The following ANXA13 variants were observed in gnomAD, a reference collection of about 807,000 sequenced individuals.
The protein encoded by ANXA13 is annexin XIII.
In ANXA13, 36 loss-of-function variants were observed where a neutral mutation model predicts 46.6. The observed-to-expected ratio is 0.77, with a 90% confidence interval of 0.59 to 1.02. ANXA13 has a LOEUF of 1.02. ANXA13 is among the 50% of genes least tolerant of loss of function. The pLI is 0.00. For synonymous variants in ANXA13, 163 were observed against 152.9 expected (o/e 1.07, Z -0.49); for missense variants, 417 against 396.5 (o/e 1.05, Z -0.44).
In ANXA13 at chr8:123,694,046, C is replaced by A. The variant is rs964624077; in HGVS notation, c.472-267G>T. On this transcript the variant is annotated intron_variant, in intron 6 of 10. Coordinates refer to ENST00000419625, the MANE Select transcript of ANXA13 (RefSeq NM_004306.4). ...CCCACACACCCCACTGACCTCTGAG[C>A]AGACTGAGTGCGATCTCTGGTTTTC... is the stretch of plus-strand genomic sequence containing the variant. Among the ~76,000 whole-genome samples the A allele has an allele frequency of 2.6e-5, 4 of 151,896 alleles. No homozygotes were observed. The East Asian group carries it at 5.8e-4, about 22-fold the overall frequency.
chr8:123,730,100 G>A (rs1394178442), intron 1 of ANXA13, among the ~76,000 whole-genome samples: 6 of 152,122 alleles, frequency 3.9e-5, no homozygotes, highest in African/African-American at 1.4e-4. Context: ...TGCTATTTTA[G>A]CCGATGAGGG....
chr8:123,682,691 C>G (rs748726400), intron 10 of ANXA13, among the ~76,000 whole-genome samples: 14 of 152,096 alleles, frequency 9.2e-5, no homozygotes, highest in Non-Finnish European at 1.8e-4. Flanking sequence ...CTGCTTGGCT[C>G]CTTGCCCCGT....
At chr8:123,693,818 G>A (rs746810025) in intron 6 of ANXA13, 39 bp from the exon 7 acceptor site, 1 of 1,557,642 alleles carries the variant, frequency 6.4e-7, no homozygotes, top group South Asian at 1.1e-5. Context: ...TTGCATTCCT[G>A]CTTGACCACA....
intron 4 of ANXA13, among the ~76,000 whole-genome samples, chr8:123,698,134 T>C (rs1813377056): frequency 6.6e-6 from 1 of 152,136 alleles, no homozygotes; most frequent in African/African-American, 2.4e-5. Flanking sequence ...TATAAAAGCA[T>C]CAGTTTAGAA....
rs140025435 is a variant in ANXA13, at chr8:123,688,917, A to G, written c.672T>C (p.Ile224=). 153 of 1,613,818 alleles carry G rather than the reference A, an allele frequency of 9.5e-5. No individual in the cohort carries two copies. Among genetic ancestry groups the G allele is most frequent in the Non-Finnish European group, 1.2e-4 (142 of 1,179,912 alleles). ...ILIGKDIEEA[I]EEETSGDLQK... is the part of the protein sequence containing the mutation. ...GCAAGTCGCCTGATGTTTCTTCTTC[A>G]ATGGCTTCTTCTATGTCTTTGCCAA... The change falls in exon 9 of 11, where the codon ATT becomes ATC. Residue 224 remains isoleucine (I), a synonymous_variant. Transcript: ENST00000419625.
intron 1 of ANXA13, among the ~76,000 whole-genome samples, chr8:123,729,707 G>A (rs1814074827): frequency 6.6e-6 from 1 of 152,130 alleles, no homozygotes; most frequent in African/African-American, 2.4e-5. Flanking sequence ...CCCTAATGAT[G>A]TACTGAACTG....
At chr8:123,709,764 G>T (rs1435608756) in intron 2 of ANXA13, among the ~76,000 whole-genome samples, 1 of 152,128 alleles carries the variant, frequency 6.6e-6, no homozygotes, top group Non-Finnish European at 1.5e-5. Flanking sequence ...ATATGTATGT[G>T]TGTATATATT....
rs201789757 is a variant in ANXA13, at chr8:123,684,761, C to A, written c.719-39G>T. The A allele has an allele frequency of 8.7e-6, 13 of 1,498,730 alleles. No individual in the cohort carries two copies. The East Asian group carries it at 1.4e-4, about 16-fold the overall frequency. The allele number at this position is 1,498,730 out of a possible 1,614,324, so 92.8% of individuals were successfully genotyped here. ...AGGAAAAGAGAATGTGAGGCTTTCA[C>A]GTTTTGTGGAATGACCTTGGGACCC... On this transcript the variant is annotated intron_variant, in intron 9 of 10. Transcript: ENST00000419625.
chr8:123,709,608 A>G (rs1308804467), intron 2 of ANXA13, among the ~76,000 whole-genome samples: 3 of 152,196 alleles, frequency 2.0e-5, no homozygotes, highest in African/African-American at 7.2e-5. Context: ...TTAGTGTCCC[A>G]ATAATGGAAC....
intron 9 of ANXA13, among the ~76,000 whole-genome samples, chr8:123,685,076 G>C (rs1300590573): frequency 6.6e-6 from 1 of 152,218 alleles, no homozygotes; most frequent in Admixed American, 6.5e-5. Context: ...AAGGGAAACA[G>C]ATTGGCCAGC....
intron 2 of ANXA13, 33 bp downstream of exon 2, chr8:123,712,645 A>G: frequency 1.2e-6 from 2 of 1,601,946 alleles, no homozygotes; most frequent in South Asian, 1.1e-5. Flanking sequence ...AATCAACTTC[A>G]GAAGCAAATT....
intron 1 of ANXA13, among the ~76,000 whole-genome samples, chr8:123,721,720 T>C (rs1390624423): frequency 2.0e-5 from 3 of 152,294 alleles, no homozygotes; most frequent in Middle Eastern, 3.4e-3. Flanking sequence ...GAGAGATGTA[T>C]AGGAGGAAAA....
At chr8:123,734,122 C>T (rs956262378) in intron 1 of ANXA13, among the ~76,000 whole-genome samples, 2 of 152,164 alleles carry the variant, frequency 1.3e-5, no homozygotes, top group Non-Finnish European at 2.9e-5. Flanking sequence ...AAGTAATTTC[C>T]CAGAAATCAT....
chr8:123,708,135 A>C (rs1443055881), intron 2 of ANXA13, among the ~76,000 whole-genome samples: 3 of 152,174 alleles, frequency 2.0e-5, no homozygotes, highest in African/African-American at 7.2e-5. Context: ...GTAAATACTT[A>C]CAATGGTTTG....
chr8:123,715,505 C>T (rs1169655116), intron 1 of ANXA13, among the ~76,000 whole-genome samples: 1 of 152,254 alleles, frequency 6.6e-6, no homozygotes, highest in Non-Finnish European at 1.5e-5. Context: ...TTAGCCTCAT[C>T]AGTGCAGAGA....
chr8:123,718,970 A>G (rs1386037039), intron 1 of ANXA13, among the ~76,000 whole-genome samples: 5 of 152,248 alleles, frequency 3.3e-5, no homozygotes, highest in East Asian at 1.9e-4. Context: ...CTTCTGTCCC[A>G]GTCCAATTCA....
At chr8:123,700,897 AC>A (rs1813434838) in intron 3 of ANXA13, among the ~76,000 whole-genome samples, 1 of 151,714 alleles carries the variant, frequency 6.6e-6, no homozygotes, top group Admixed American at 6.6e-5. Context: ...ACTACGGCTC[AC>A]TGAGGCCTCA....
intron 1 of ANXA13, among the ~76,000 whole-genome samples, chr8:123,722,846 C>T (rs1052795188): frequency 2.6e-5 from 4 of 152,132 alleles, no homozygotes; most frequent in African/African-American, 9.7e-5. Flanking sequence ...TGTTAGGAAG[C>T]TTCTTCCTTC....
chr8:123,693,676 A>G, intron 7 of ANXA13, 35 bp downstream of exon 7: 2 of 1,555,924 alleles, frequency 1.3e-6, no homozygotes, highest in Non-Finnish European at 1.7e-6. Context: ...ATTTAAAAAA[A>G]GAATTTGCAG....
Sources: allele counts gnomAD v4.1 joint callset (sites outside exome capture counted in the v4.1 genomes callset), GRCh38; gene constraint gnomAD v4.1.1; transcripts MANE v1.5; gene names NCBI Gene and HGNC (gene_info 2026-07-23, HGNC 2026-07-21).